Variants in SLC25A31 observed in about 807,000 individuals in gnomAD.
SLC25A31 encodes solute carrier family 25 member 31.
SLC25A31 carries 40 observed loss-of-function variants against 36.2 expected under a neutral mutation model. The observed-to-expected ratio is 1.10, with a 90% confidence interval of 0.86 to 1.44. SLC25A31 has a LOEUF of 1.44. Among genes scored for constraint, SLC25A31 ranks in the 40% most tolerant of loss-of-function variants. The pLI, the probability that SLC25A31 is intolerant of heterozygous loss-of-function variation, is 0.00. For missense variants in SLC25A31, 350 were observed against 397.1 expected (o/e 0.88, Z 1.01); for synonymous variants, 143 against 149.7 (o/e 0.96, Z 0.32).
rs570075506 is a variant in SLC25A31, at chr4:127,730,749, C to T, written c.204C>T (p.Asp68=). 3 of 1,612,648 alleles carry T rather than the reference C, an allele frequency of 1.9e-6. No homozygotes were observed. The Admixed American group carries it at 5.0e-5, about 27-fold the overall frequency. Residue 68 remains aspartate, a synonymous_variant, in exon 1 of 6, where the codon GAC becomes GAT. Transcript: ENST00000281154. ...AGGCGCGGTACAAAGGCATGGTGGACTGCCTGGTGCGGATTCCTCGCGAGC... is the reference window on the plus strand; with the variant it reads ...AGGCGCGGTACAAAGGCATGGTGGATTGCCTGGTGCGGATTCCTCGCGAGC... ...SPEARYKGMV[D]CLVRIPREQG...
intron 1 of SLC25A31, among the ~76,000 whole-genome samples, chr4:127,731,384 A>C (rs553845609): frequency 6.6e-6 from 1 of 151,792 alleles, no homozygotes. Context: ...AAAAAAAAAA[A>C]CCCAACCCTC....
At chr4:127,753,508 C>T (rs1731974886) in intron 2 of SLC25A31, among the ~76,000 whole-genome samples, 1 of 151,926 alleles carries the variant, frequency 6.6e-6, no homozygotes. Flanking sequence ...TGCAAAAGAT[C>T]ATAAGAGTAT....
At chr4:127,746,743 G>A (rs1322202380) in intron 2 of SLC25A31, among the ~76,000 whole-genome samples, 2 of 152,086 alleles carry the variant, frequency 1.3e-5, no homozygotes, top group African/African-American at 4.8e-5. Flanking sequence ...TCTGTTGATA[G>A]TTTCTTTTGC....
In SLC25A31 at chr4:127,767,060, T is replaced by C. The variant is rs201462939; in HGVS notation, c.479-6T>C. ...TGCTAATAGATTTTAAATGGCTTTA[T>C]TTTAGGTCCTGAGGAGCGACAATTC... is the stretch of plus-strand genomic sequence containing the variant. On this transcript the variant is annotated splice_region_variant and splice_polypyrimidine_tract_variant and intron_variant, in intron 3 of 5. Transcript: ENST00000281154. 9.4e-6 allele frequency: 15 copies of C among 1,604,068 alleles called. No individual in the cohort carries two copies. In the East Asian group the frequency reaches 3.4e-4, roughly 36 times the overall value.
intron 2 of SLC25A31, among the ~76,000 whole-genome samples, chr4:127,746,787 T>C (rs1731832629): frequency 6.6e-6 from 1 of 152,184 alleles, no homozygotes; most frequent in South Asian, 2.1e-4. Flanking sequence ...GTAGATCCTA[T>C]TTGTCGATTT....
At chr4:127,745,074 C>T (rs544290909) in intron 2 of SLC25A31, among the ~76,000 whole-genome samples, 5 of 152,278 alleles carry the variant, frequency 3.3e-5, no homozygotes, top group African/African-American at 1.2e-4. Context: ...CATCTTATCA[C>T]TGTTTTGCGC....
chr4:127,732,696 C>CT (rs1283152872), intron 1 of SLC25A31, among the ~76,000 whole-genome samples: 2 of 152,150 alleles, frequency 1.3e-5, no homozygotes, highest in Non-Finnish European at 2.9e-5. Flanking sequence ...CTGGTCCTTG[C>CT]TTTAAGTTCC....
chr4:127,730,407 C>G lies in SLC25A31; in HGVS notation c.-139C>G, dbSNP rs756155097. On this transcript the variant is annotated 5_prime_UTR_variant, in exon 1 of 6. Transcript: ENST00000281154. ...CTTTTCCGCACGCGCCTCGCCGGCG[C>G]GCGGCTCTCTCAGCGTCCCAAGAGC... The G allele has an allele frequency of 2.2e-5, 20 of 916,126 alleles. No homozygotes were observed. The highest frequency in any genetic ancestry group is 5.0e-5 in the African/African-American group (3 of 59,504). The allele number at this position is 916,126 out of a possible 1,614,324, so 56.7% of individuals were successfully genotyped here. A position where few individuals can be genotyped will look rare whatever the true frequency, so the allele number is the denominator to read the frequency against.
rs1732384648 is a variant in SLC25A31, at chr4:127,772,664, T to A, written c.760-722T>A. ...TCAAGGTCATTAATTTCCTTATAAA[T>A]TACAACTCGAAGCTGCATCTTAAAA... is the stretch of plus-strand genomic sequence containing the variant. On this transcript the variant is annotated intron_variant, in intron 5 of 5. Coordinates refer to ENST00000281154, the MANE Select transcript of SLC25A31 (RefSeq NM_031291.4). Among the ~76,000 whole-genome samples, 5 of 152,180 alleles carry A rather than the reference T, an allele frequency of 3.3e-5. No individual in the cohort carries two copies. The South Asian group carries it at 1.0e-3, about 31-fold the overall frequency.
chr4:127,759,489 CTT>C (rs1314710331), intron 2 of SLC25A31, among the ~76,000 whole-genome samples: 1 of 152,166 alleles, frequency 6.6e-6, no homozygotes, highest in Non-Finnish European at 1.5e-5. Flanking sequence ...CTGGCTATGA[CTT>C]TCACCACTAT....
intron 1 of SLC25A31, 38 bp downstream of exon 1, chr4:127,730,815 C>T (rs750090553): frequency 1.9e-6 from 3 of 1,562,978 alleles, no homozygotes; most frequent in Non-Finnish European, 2.6e-6. Context: ...CCTCTCCCGG[C>T]GCCCTCGTCA....
Position 127,730,568 on chromosome 4 carries a change from A to G in SLC25A31, c.23A>G (p.Lys8Arg). The G allele has an allele frequency of 6.2e-7, 1 of 1,613,916 alleles. No homozygotes were observed. The highest frequency in any genetic ancestry group is 1.1e-5 in the South Asian group (1 of 91,086). MHREPAK[K>R]KAEKRLFDAS... Reference sequence around the variant, plus strand: ...ATCATGCATCGTGAGCCTGCGAAAAAGAAGGCAGAAAAGCGGCTGTTTGAC... The same window carrying G: ...ATCATGCATCGTGAGCCTGCGAAAAGGAAGGCAGAAAAGCGGCTGTTTGAC... Residue 8 changes from lysine (K) to arginine (R), a missense_variant, in exon 1 of 6, where the codon AAG becomes AGG. Physicochemically the swap from Lys to Arg is conservative, Grantham distance 26. Coordinates refer to ENST00000281154, the MANE Select transcript of SLC25A31 (RefSeq NM_031291.4).
At chr4:127,750,119 A>G (rs1331916494) in intron 2 of SLC25A31, among the ~76,000 whole-genome samples, 1 of 152,218 alleles carries the variant, frequency 6.6e-6, no homozygotes, top group East Asian at 1.9e-4. Flanking sequence ...AGTTAAAGAC[A>G]CATTTCAAGG....
rs778169657 is a variant in SLC25A31, at chr4:127,730,794, C to T, written c.232+17C>T. ...GCGAGCAGGGTGCGTCAAGGCAGGC[C>T]GCCCCGACAGCCTCTCCCGGCGCCC... On this transcript the variant is annotated intron_variant, in intron 1 of 5. Coordinates refer to ENST00000281154, the MANE Select transcript of SLC25A31 (RefSeq NM_031291.4). The T allele has an allele frequency of 3.8e-6, 6 of 1,593,288 alleles. No individual in the cohort carries two copies. Among genetic ancestry groups the T allele is most frequent in the Middle Eastern group, 1.8e-4 (1 of 5,500 alleles).
chr4:127,743,296 A>G (rs1001623086), intron 1 of SLC25A31, among the ~76,000 whole-genome samples: 4 of 151,900 alleles, frequency 2.6e-5, no homozygotes, highest in African/African-American at 9.7e-5. Flanking sequence ...GCACACGGCT[A>G]ATTTATTTTT....
In SLC25A31 at chr4:127,749,855, G is replaced by A. The variant is rs116571070; in HGVS notation, c.360+5056G>A. Among the ~76,000 whole-genome samples the A allele has an allele frequency of 7.3e-3, 1,105 of 152,176 alleles. 14 individuals carry two copies. Among genetic ancestry groups the A allele is most frequent in the African/African-American group, 0.026 (1,066 of 41,520 alleles). ...GTTTGAGACAAGCCTGAGCAATATAGCAAGACCCCATGTCTAAAAATAAAT... is the reference window on the plus strand; with the variant it reads ...GTTTGAGACAAGCCTGAGCAATATAACAAGACCCCATGTCTAAAAATAAAT... On this transcript the variant is annotated intron_variant, in intron 2 of 5. Transcript: ENST00000281154.
intron 2 of SLC25A31, among the ~76,000 whole-genome samples, chr4:127,749,849 A>C (rs1731895576): frequency 6.6e-6 from 1 of 152,136 alleles, no homozygotes; most frequent in Non-Finnish European, 1.5e-5. Context: ...AAGCCTGAGC[A>C]ATATAGCAAG....
intron 1 of SLC25A31, among the ~76,000 whole-genome samples, chr4:127,739,518 T>C (rs1731693787): frequency 6.6e-6 from 1 of 152,176 alleles, no homozygotes; most frequent in Admixed American, 6.5e-5. Flanking sequence ...TTAGCTCTCT[T>C]TAAGATTTTT....
At chr4:127,772,676 G>A (rs1430660526) in intron 5 of SLC25A31, among the ~76,000 whole-genome samples, 1 of 151,928 alleles carries the variant, frequency 6.6e-6, no homozygotes, top group Non-Finnish European at 1.5e-5. Context: ...ACAACTCGAA[G>A]CTGCATCTTA....
Sources: gnomAD v4.1 joint callset for allele counts (sites outside exome capture counted in the v4.1 genomes callset) on GRCh38, gnomAD v4.1.1 for gene constraint, MANE v1.5 for transcripts, NCBI Gene and HGNC (gene_info 2026-07-23, HGNC 2026-07-21) for gene names.